The following PROP1 variants were observed in gnomAD, a reference collection of about 807,000 sequenced individuals.
PROP1 encodes the protein PROP paired-like homeobox 1, also known as homeobox protein prophet of Pit-1.
In PROP1, 12 loss-of-function variants were observed where a neutral mutation model predicts 22.3. The ratio of observed to expected loss-of-function variants is 0.54; its 90% CI spans 0.34 to 0.87. The LOEUF (loss-of-function observed/expected upper bound fraction) is 0.87. Ranked by LOEUF, PROP1 falls within the 40% of genes least tolerant of loss-of-function variation. The probability of loss-of-function intolerance (pLI) is 0.01; values close to 1 mark genes in which losing one functional copy is unlikely to be tolerated. For missense variants in PROP1, 278 were observed against 295.1 expected, an observed-to-expected ratio of 0.94 and a Z score of 0.43; for synonymous variants, 112 against 116.7, an observed-to-expected ratio of 0.96 and a Z score of 0.26.
intron 2 of PROP1, among the ~76,000 whole-genome samples, chr5:177,993,765 C>T (rs138749758): frequency 0.022 from 3,319 of 152,226 alleles, 55 homozygotes; most frequent in Middle Eastern, 0.034. Flanking sequence ...TGGGGTTTCA[C>T]CATGTTAACC....
intron 1 of PROP1, among the ~76,000 whole-genome samples, chr5:177,995,363 C>T (rs749332930): frequency 9.2e-5 from 14 of 152,074 alleles, no homozygotes; most frequent in Non-Finnish European, 1.3e-4. Flanking sequence ...ACCTGGAAGG[C>T]GCACACCAAG....
At chr5:177,993,602 C>T (rs551275426) in intron 2 of PROP1, among the ~76,000 whole-genome samples, 3 of 150,234 alleles carry the variant, frequency 2.0e-5, no homozygotes, top group Admixed American at 2.0e-4. Flanking sequence ...GTTCTTGTTG[C>T]CCAGGCTGGA....
At chr5:177,993,300 A>G (rs1772698866) in intron 2 of PROP1, among the ~76,000 whole-genome samples, 1 of 152,212 alleles carries the variant, frequency 6.6e-6, no homozygotes, top group African/African-American at 2.4e-5. Context: ...CACCAAGGAG[A>G]TAAATATGGT....
At position 177,992,663 on chromosome 5, in the gene PROP1, A is replaced by T; in HGVS notation, c.*46T>A. ...AGCCACCCCATTTTCTTGTCTTTTC[A>T]CGAGGGCCGCAGGCTGGGGATCACC... On this transcript the variant is annotated 3_prime_UTR_variant, in exon 3 of 3. Coordinates refer to ENST00000308304, the MANE Select transcript of PROP1 (RefSeq NM_006261.5). 4 of 1,359,444 alleles carry T rather than the reference A, an allele frequency of 2.9e-6. No homozygotes were observed. 84.2% of individuals were successfully genotyped at this position (1,359,444 alleles called of 1,614,324 possible).
In PROP1 at chr5:177,994,287, G is replaced by A. The variant is rs779969803; in HGVS notation, c.161C>T (p.Ser54Leu). 2 of 1,612,898 alleles carry A rather than the reference G, an allele frequency of 1.2e-6. No homozygotes were observed. Among genetic ancestry groups the A allele is most frequent in the Non-Finnish European group, 1.7e-6 (2 of 1,179,266 alleles). Residue 54 changes from serine to leucine, a missense_variant, in exon 2 of 3, where the codon TCA becomes TTA. Ser to Leu is a moderately radical substitution (Grantham distance 145). Coordinates refer to ENST00000308304, the MANE Select transcript of PROP1 (RefSeq NM_006261.5). ...RRLPGAGGGR[S>L]RFSPQGGQRG... ...CTGTCCTCCTTGCGGGGAGAACCTT[G>A]ATCTCCCCCCTCCTGCACCAGGGAG...
At chr5:177,994,415 G>C in intron 1 of PROP1, 77 bp from the exon 2 acceptor site, 1 of 1,296,340 alleles carries the variant, frequency 7.7e-7, no homozygotes, top group South Asian at 1.4e-5. Flanking sequence ...CCTGTCCCGG[G>C]ATTGCGCTCA....
rs1772663896 is a variant in PROP1, at chr5:177,992,691, G to C, written c.*18C>G. 1.3e-6 allele frequency: 2 copies of C among 1,532,288 alleles called. No homozygotes were observed. Among genetic ancestry groups the C allele is most frequent in the East Asian group, 4.5e-5 (2 of 44,088 alleles). 94.9% of individuals were successfully genotyped at this position (1,532,288 alleles called of 1,614,324 possible). A position where few individuals can be genotyped will look rare whatever the true frequency, so the allele number is the denominator to read the frequency against. On this transcript the variant is annotated 3_prime_UTR_variant, in exon 3 of 3. Transcript: ENST00000308304. ...AGGGCCGCAGGCTGGGGATCACCTT[G>C]GTGGTACTTGTTTGACCTCAGTTCC...
Position 177,996,207 on chromosome 5 carries a change from C to T in PROP1, c.-274G>A. 2.0e-6 allele frequency: 1 copy of T among 505,092 alleles called. No individual in the cohort carries two copies. Among genetic ancestry groups the T allele is most frequent in the Non-Finnish European group, 3.6e-6 (1 of 278,110 alleles). The allele number at this position is 505,092 out of a possible 1,614,324, so 31.3% of individuals were successfully genotyped here. On this transcript the variant is annotated 5_prime_UTR_variant, in exon 1 of 3. Transcript: ENST00000308304. The stretch of plus-strand genomic sequence containing the variant: ...TCACCTGTTGCTCTGTTTCTGACTA[C>T]TTTTCTCTGCCTGGCCCTTCTCCCC...
chr5:177,994,686 C>T (rs371235361), intron 1 of PROP1, among the ~76,000 whole-genome samples: 2 of 152,254 alleles, frequency 1.3e-5, no homozygotes, highest in South Asian at 2.1e-4. Flanking sequence ...GCAGTCCTCC[C>T]ATGTCAGCCT....
Position 177,994,091 on chromosome 5 carries a change from A to T in PROP1, c.342+15T>A, listed in dbSNP as rs1755689939. ...TGCATTTCTTTCCTGAGAGAGGAGG[A>T]TCCTGGAGCATCACCTGGATTCGGG... On this transcript the variant is annotated intron_variant, in intron 2 of 2. Coordinates refer to ENST00000308304, the MANE Select transcript of PROP1 (RefSeq NM_006261.5). 1 of 1,612,188 alleles carries T rather than the reference A, an allele frequency of 6.2e-7. No individual in the cohort carries two copies. Among genetic ancestry groups the T allele is most frequent in the Admixed American group, 1.7e-5 (1 of 60,004 alleles).
rs1335549674 is a variant in PROP1, at chr5:177,995,991, G to A, written c.-58C>T. On this transcript the variant is annotated 5_prime_UTR_variant, in exon 1 of 3. Coordinates refer to ENST00000308304, the MANE Select transcript of PROP1 (RefSeq NM_006261.5). ...TCTGACTTGAGATTTCTCTGCTTCC[G>A]CAGCTCCTCTCCACACCTGTTCCCT... is the stretch of plus-strand genomic sequence containing the variant. 2.2e-5 allele frequency: 32 copies of A among 1,467,136 alleles called. No individual in the cohort carries two copies. In the Admixed American group the frequency reaches 2.2e-4, roughly 10 times the overall value. The allele number at this position is 1,467,136 out of a possible 1,614,324, so 90.9% of individuals were successfully genotyped here.
In PROP1 at chr5:177,996,188, G is replaced by A. The variant is rs1307689746; in HGVS notation, c.-255C>T. On this transcript the variant is annotated 5_prime_UTR_variant, in exon 1 of 3. Coordinates refer to ENST00000308304, the MANE Select transcript of PROP1 (RefSeq NM_006261.5). ...TCAATCTCCTGCCTCAGCCTCACCT[G>A]TTGCTCTGTTTCTGACTACTTTTCT... The A allele has an allele frequency of 4.1e-5, 22 of 542,468 alleles. No individual in the cohort carries two copies. The highest frequency in any genetic ancestry group is 6.6e-5 in the Non-Finnish European group (20 of 301,732). 33.6% of individuals were successfully genotyped at this position (542,468 alleles called of 1,614,324 possible). A position where few individuals can be genotyped will look rare whatever the true frequency, so the allele number is the denominator to read the frequency against.
Position 177,995,815 on chromosome 5 carries a change from G to C in PROP1, c.109+10C>G, listed in dbSNP as rs752485256. ...CTCAGGGACCCACGCACACCGGGAC[G>C]GTCACTCACCCACCGTGGTGGTCGG... On this transcript the variant is annotated intron_variant, in intron 1 of 2. Coordinates refer to ENST00000308304, the MANE Select transcript of PROP1 (RefSeq NM_006261.5). The C allele has an allele frequency of 1.9e-6, 3 of 1,608,944 alleles. No individual in the cohort carries two copies. Among genetic ancestry groups the C allele is most frequent in the Non-Finnish European group, 8.5e-7 (1 of 1,176,144 alleles).
At chr5:177,995,309 T>C (rs1421024798) in intron 1 of PROP1, among the ~76,000 whole-genome samples, 1 of 151,694 alleles carries the variant, frequency 6.6e-6, no homozygotes, top group East Asian at 2.0e-4. Flanking sequence ...CACTAATTAG[T>C]CTGAGAGCTG....
chr5:177,995,758 G>T, intron 1 of PROP1, 67 bp downstream of exon 1: 1 of 1,212,656 alleles, frequency 8.2e-7, no homozygotes, highest in Non-Finnish European at 1.2e-6. Context: ...TCTTCATGGA[G>T]CCTATGCTTT....
intron 1 of PROP1, among the ~76,000 whole-genome samples, chr5:177,995,039 T>C (rs1755730836): frequency 6.6e-6 from 1 of 152,100 alleles, no homozygotes; most frequent in Admixed American, 6.5e-5. Context: ...CTAACAATCG[T>C]CCCAGCTGTC....
intron 1 of PROP1, 83 bp from the exon 2 acceptor site, chr5:177,994,421 G>A (rs772436536): frequency 3.9e-5 from 45 of 1,168,354 alleles, no homozygotes; most frequent in South Asian, 3.8e-4. Context: ...CCGGGATTGC[G>A]CTCAGTGCGT....
rs778552763 is a variant in PROP1, at chr5:177,994,142, A to C, written c.306T>G (p.Leu102=). Residue 102 remains leucine, a synonymous_variant, in exon 2 of 3, where the codon CTT becomes CTG. Coordinates refer to ENST00000308304, the MANE Select transcript of PROP1 (RefSeq NM_006261.5). The part of the protein sequence containing the change: ...QYPDIWARES[L]ARDTGLSEAR... ...CCTCACTGAGGCCAGTGTCCCGGGCAAGACTCTCTCGGGCCCAGATGTCGG... is the reference window on the plus strand; with the variant it reads ...CCTCACTGAGGCCAGTGTCCCGGGCCAGACTCTCTCGGGCCCAGATGTCGG... 8.7e-6 allele frequency: 14 copies of C among 1,614,136 alleles called. No individual in the cohort carries two copies. Among genetic ancestry groups the C allele is most frequent in the Non-Finnish European group, 1.2e-5 (14 of 1,180,018 alleles).
chr5:177,994,321 A>G lies in PROP1; in HGVS notation c.127T>C (p.Cys43Arg), dbSNP rs1308251171. The stretch of plus-strand genomic sequence containing the variant: ...CCTCCTGCACCAGGGAGCCTTCTGC[A>G]GGGTGGAGCACTCGAGTCTGAGAAC... ...TTTVDSSAPP[C>R]RRLPGAGGGR... The change falls in exon 2 of 3, where the codon TGC becomes CGC. Residue 43 changes from cysteine (C) to arginine (R), a missense_variant. By Grantham distance (180) the Cys-to-Arg change is radical. Transcript: ENST00000308304. The G allele has an allele frequency of 3.1e-6, 5 of 1,603,558 alleles. No homozygotes were observed. Among genetic ancestry groups the G allele is most frequent in the Non-Finnish European group, 3.4e-6 (4 of 1,174,442 alleles).
Sources: allele counts gnomAD v4.1 joint callset (sites outside exome capture counted in the v4.1 genomes callset), GRCh38; gene constraint gnomAD v4.1.1; transcripts MANE v1.5; gene names NCBI Gene and HGNC (gene_info 2026-07-23, HGNC 2026-07-21).